Variants in FAM53B observed in about 807,000 individuals in gnomAD.
FAM53B encodes family with sequence similarity 53 member B, also known as protein FAM53B.
Under a neutral mutation model 32.7 loss-of-function variants are expected in FAM53B, and 12 were observed. That is an observed-to-expected ratio of 0.37 (90% confidence interval 0.24 to 0.59). FAM53B has a LOEUF of 0.59. Ranked by LOEUF, FAM53B falls within the 20% of genes least tolerant of loss-of-function variation. FAM53B has a pLI of 0.72. For synonymous variants in FAM53B, 234 were observed against 228.7 expected, an observed-to-expected ratio of 1.02 and a Z score of -0.21; for missense variants, 477 against 577.7, an observed-to-expected ratio of 0.83 and a Z score of 1.79.
At chr10:124,640,785 C>T (rs1355797759) in intron 4 of FAM53B, among the ~76,000 whole-genome samples, 1 of 152,098 alleles carries the variant, frequency 6.6e-6, no homozygotes, top group Non-Finnish European at 1.5e-5. Flanking sequence ...AGTCTGAATC[C>T]GGGATCAGGC....
At chr10:124,671,231 T>G (rs1185405292) in intron 4 of FAM53B, 5 of 450,324 alleles carry the variant, frequency 1.1e-5, no homozygotes, top group Non-Finnish European at 2.3e-5. Flanking sequence ...AGAACCAATT[T>G]CATCACCTTC....
Position 124,696,146 on chromosome 10 carries a change from T to C in FAM53B, c.133+12A>G. On this transcript the variant is annotated intron_variant, in intron 3 of 4. Coordinates refer to ENST00000337318, the MANE Select transcript of FAM53B (RefSeq NM_014661.4). ...TAGGAGGACAGCTTCCAGGATGGCC[T>C]TGAGTACTTACCCATAATTCCACAA... 7 of 1,612,498 alleles carry C rather than the reference T, an allele frequency of 4.3e-6. No homozygotes were observed. The highest frequency in any genetic ancestry group is 5.9e-6 in the Non-Finnish European group (7 of 1,178,458).
rs1228766762 is a variant in FAM53B, at chr10:124,651,364, G to A, written c.907-27760C>T. 2.6e-5 allele frequency among the ~76,000 whole-genome samples: 4 copies of A among 152,240 alleles called. No homozygotes were observed. The highest frequency in any genetic ancestry group is 2.1e-4 in the South Asian group (1 of 4,832). On this transcript the variant is annotated intron_variant, in intron 4 of 4. Coordinates refer to ENST00000337318, the MANE Select transcript of FAM53B (RefSeq NM_014661.4). This position sits in a 1 kb window ranked among gnomAD's most constrained non-coding sequence, Gnocchi z 5.2. ...GGAGGGGTGCGGCTGAGCAGAGGGT[G>A]CTGCCTGGCATCCTCCTGAGCCTGC...
At chr10:124,734,344 C>A (rs1950162253) in intron 1 of FAM53B, among the ~76,000 whole-genome samples, 1 of 152,222 alleles carries the variant, frequency 6.6e-6, no homozygotes, top group South Asian at 2.1e-4. Flanking sequence ...ATTGATTGAA[C>A]TGCACTGAGC....
At chr10:124,702,278 T>C (rs1423497274) in intron 2 of FAM53B, among the ~76,000 whole-genome samples, 1 of 152,226 alleles carries the variant, frequency 6.6e-6, no homozygotes, top group Non-Finnish European at 1.5e-5. Context: ...GAAAAATTAT[T>C]TTCCATCGTT....
At chr10:124,662,642 C>T (rs1949641896) in intron 4 of FAM53B, among the ~76,000 whole-genome samples, 1 of 152,094 alleles carries the variant, frequency 6.6e-6, no homozygotes, top group East Asian at 1.9e-4. Context: ...ATAGCAAGAC[C>T]CTGTCTCTAC....
chr10:124,677,971 G>C (rs575723505), intron 4 of FAM53B, among the ~76,000 whole-genome samples: 2 of 152,338 alleles, frequency 1.3e-5, no homozygotes, highest in African/African-American at 4.8e-5. Context: ...GTTGACTACA[G>C]GCTGAGCTGA....
chr10:124,664,478 C>A (rs1047268304), intron 4 of FAM53B, among the ~76,000 whole-genome samples: 1 of 152,244 alleles, frequency 6.6e-6, no homozygotes, highest in Non-Finnish European at 1.5e-5. Context: ...AAGCCCAGAT[C>A]CGCCATCACA....
At chr10:124,685,381 G>T (rs891518041) in intron 3 of FAM53B, among the ~76,000 whole-genome samples, 2 of 152,216 alleles carry the variant, frequency 1.3e-5, no homozygotes, top group Admixed American at 6.5e-5. Context: ...GTCGGAGCGG[G>T]GGCCCACAGC....
chr10:124,714,049 T>C (rs184203236), intron 1 of FAM53B: 209 of 152,292 alleles, frequency 1.4e-3, no homozygotes, highest in African/African-American at 4.8e-3. Context: ...TGTTGCTTAG[T>C]GGGTCACGTT....
At chr10:124,723,441 C>T (rs1564888386) in intron 1 of FAM53B, among the ~76,000 whole-genome samples, 2 of 152,204 alleles carry the variant, frequency 1.3e-5, no homozygotes, top group African/African-American at 4.8e-5. Context: ...CTGGGTTCCA[C>T]AGTAGCAGAG....
chr10:124,731,503 G>A (rs1950142398), intron 1 of FAM53B, among the ~76,000 whole-genome samples: 3 of 151,964 alleles, frequency 2.0e-5, no homozygotes, highest in African/African-American at 7.3e-5. Context: ...CCAACTGTCT[G>A]GGCTCATCTG....
intron 4 of FAM53B, among the ~76,000 whole-genome samples, chr10:124,667,035 C>T (rs913243205): frequency 3.3e-5 from 5 of 151,784 alleles, no homozygotes; most frequent in African/African-American, 1.2e-4. Context: ...TGACCCCCAA[C>T]CCCCCCACAC....
chr10:124,639,117 C>T (rs895146878), intron 4 of FAM53B, among the ~76,000 whole-genome samples: 10 of 152,172 alleles, frequency 6.6e-5, no homozygotes, highest in African/African-American at 2.4e-4. Flanking sequence ...ATATAAGTCC[C>T]GTCTCTCTAA....
chr10:124,734,328 C>T (rs1375216894), intron 1 of FAM53B, among the ~76,000 whole-genome samples: 2 of 152,220 alleles, frequency 1.3e-5, no homozygotes, highest in South Asian at 2.1e-4. Context: ...GTAGCTGTTA[C>T]TCCACATTGA....
intron 4 of FAM53B, among the ~76,000 whole-genome samples, chr10:124,646,992 A>C (rs569852279): frequency 7.2e-5 from 11 of 152,318 alleles, no homozygotes; most frequent in African/African-American, 2.6e-4. Flanking sequence ...CTCCCTTGGC[A>C]GACCCTGCAG....
chr10:124,731,278 A>G (rs1380821502), intron 1 of FAM53B, among the ~76,000 whole-genome samples: 1 of 152,240 alleles, frequency 6.6e-6, no homozygotes, highest in Non-Finnish European at 1.5e-5. Flanking sequence ...GACTCGCACT[A>G]TCCTGTTTAT....
chr10:124,692,156 T>C (rs994902884), intron 3 of FAM53B, among the ~76,000 whole-genome samples: 1 of 152,200 alleles, frequency 6.6e-6, no homozygotes, highest in Non-Finnish European at 1.5e-5. Context: ...AGGAGCCCTG[T>C]GGTGGCGGCT....
chr10:124,714,514 A>C (rs1246891809), intron 1 of FAM53B, among the ~76,000 whole-genome samples: 1 of 151,974 alleles, frequency 6.6e-6, no homozygotes, highest in Non-Finnish European at 1.5e-5. Context: ...TAATCCCAGC[A>C]CTTTGGGAGG....
Sources: gnomAD v4.1 joint callset for allele counts (sites outside exome capture counted in the v4.1 genomes callset) on GRCh38, gnomAD v4.1.1 for gene constraint, Gnocchi (gnomAD v3.1) non-coding constraint, MANE v1.5 for transcripts, NCBI Gene and HGNC (gene_info 2026-07-23, HGNC 2026-07-21) for gene names.